Variants in NTM observed in about 807,000 individuals in gnomAD.
NTM encodes IgLON family member 2.
Under a neutral mutation model 42.1 loss-of-function variants are expected in NTM, and 13 were observed. The ratio of observed to expected loss-of-function variants is 0.31; its 90% CI spans 0.20 to 0.49. NTM has a LOEUF of 0.49. NTM is among the 20% of genes least tolerant of loss of function. The pLI, the probability that NTM is intolerant of heterozygous loss-of-function variation, is 0.99. For missense variants in NTM, 373 were observed against 452.8 expected (o/e 0.82, Z 1.60); for synonymous variants, 187 against 179.2 (o/e 1.04, Z -0.35).
chr11:131,489,657 T>TG, intron 1 of NTM, among the ~76,000 whole-genome samples: 1 of 152,336 alleles, frequency 6.6e-6, no homozygotes, highest in Non-Finnish European at 1.5e-5. Flanking sequence ...AAAACTATGC[T>TG]GGGGGCCCTT....
intron 1 of NTM, among the ~76,000 whole-genome samples, chr11:131,620,781 T>C (rs1314066701): frequency 2.0e-5 from 3 of 152,228 alleles, no homozygotes; most frequent in Non-Finnish European, 4.4e-5. Flanking sequence ...GGATTGTAGA[T>C]CACATATCTG....
intron 2 of NTM, among the ~76,000 whole-genome samples, chr11:131,932,440 G>T (rs1474279251): frequency 6.6e-6 from 1 of 152,144 alleles, no homozygotes; most frequent in Non-Finnish European, 1.5e-5. Context: ...TGCAATATAT[G>T]CTTTTTTCAA....
At chr11:131,472,121 T>C (rs896350192) in intron 1 of NTM, among the ~76,000 whole-genome samples, 4 of 152,180 alleles carry the variant, frequency 2.6e-5, no homozygotes, top group Non-Finnish European at 5.9e-5. Flanking sequence ...TCAGAGGCTG[T>C]AATTGAGTCT....
intron 2 of NTM, among the ~76,000 whole-genome samples, chr11:131,914,749 A>G (rs1220127687): frequency 6.6e-6 from 1 of 152,214 alleles, no homozygotes; most frequent in Non-Finnish European, 1.5e-5. Flanking sequence ...TTCTGTAGGC[A>G]TATTTCTTAA....
At chr11:132,123,320 C>G (rs574890805) in intron 2 of NTM, among the ~76,000 whole-genome samples, 3 of 152,302 alleles carry the variant, frequency 2.0e-5, no homozygotes, top group African/African-American at 7.2e-5. Flanking sequence ...AAGAGAGGCT[C>G]TCTCGTAGGT....
At chr11:131,414,456 G>A (rs370187473) in intron 1 of NTM, among the ~76,000 whole-genome samples, 11 of 152,198 alleles carry the variant, frequency 7.2e-5, no homozygotes, top group East Asian at 5.8e-4. Flanking sequence ...CCCATGATGA[G>A]TGCTGCTGTG....
At chr11:131,813,093 T>A (rs937402146) in intron 1 of NTM, among the ~76,000 whole-genome samples, 1 of 152,220 alleles carries the variant, frequency 6.6e-6, no homozygotes, top group Non-Finnish European at 1.5e-5. Flanking sequence ...GAAGTTATGT[T>A]GACAATCACA....
chr11:132,249,612 A>G (rs927962460), intron 4 of NTM, among the ~76,000 whole-genome samples: 7 of 152,198 alleles, frequency 4.6e-5, no homozygotes, highest in Non-Finnish European at 1.0e-4. Context: ...TCTCCTTAGA[A>G]TCCTCCTTTC....
At chr11:131,931,703 GAGA>G (rs2058646368) in intron 2 of NTM, among the ~76,000 whole-genome samples, 1 of 152,146 alleles carries the variant, frequency 6.6e-6, no homozygotes, top group Non-Finnish European at 1.5e-5. Flanking sequence ...GGAGGTGACT[GAGA>G]AGGAGCCACT....
At chr11:132,237,723 C>G (rs1193028752) in intron 4 of NTM, among the ~76,000 whole-genome samples, 1 of 152,152 alleles carries the variant, frequency 6.6e-6, no homozygotes, top group Non-Finnish European at 1.5e-5. Context: ...AGAAGCAGGG[C>G]AAGTAAAAGC....
intron 2 of NTM, among the ~76,000 whole-genome samples, chr11:132,119,842 GT>G (rs1420973105): frequency 1.3e-5 from 2 of 152,262 alleles, no homozygotes; most frequent in East Asian, 3.9e-4. Flanking sequence ...CAGCAGAGCA[GT>G]GCCACTGGTC....
chr11:131,370,814 C>T lies in NTM; in HGVS notation c.8C>T (p.Thr3Ile). The change falls in exon 1 of 9, where the codon ACC becomes ATC. Residue 3 changes from threonine (T) to isoleucine (I), a missense_variant. This residue lies in a region of NTM where 29 missense variants were observed against 30.4 expected (regional missense o/e 0.95). Coordinates refer to ENST00000683400, the MANE Select transcript of NTM (RefSeq NM_001352005.2). MK[T>I]IQPKMHNSIS... is the part of the protein sequence containing the mutation. ...AGAAGAAGAAAAAAAATCATGAAAA[C>T]CATCCAGCCAAAAATGCACAATTCT... 1.2e-6 allele frequency: 2 copies of T among 1,613,086 alleles called. No individual in the cohort carries two copies. The highest frequency in any genetic ancestry group is 1.7e-6 in the Non-Finnish European group (2 of 1,179,658).
At chr11:131,966,039 G>A (rs917991980) in intron 2 of NTM, among the ~76,000 whole-genome samples, 1 of 152,038 alleles carries the variant, frequency 6.6e-6, no homozygotes, top group African/African-American at 2.4e-5. Context: ...AAAACAAATT[G>A]CATTTTTCTG....
At chr11:132,278,464 T>C (rs1454425518) in intron 4 of NTM, among the ~76,000 whole-genome samples, 1 of 152,194 alleles carries the variant, frequency 6.6e-6, no homozygotes, top group African/African-American at 2.4e-5. Context: ...CCAAGTAGTC[T>C]TTGTGCATAG....
chr11:132,045,771 G>A (rs1373155401), intron 2 of NTM, among the ~76,000 whole-genome samples: 1 of 152,108 alleles, frequency 6.6e-6, no homozygotes, highest in Non-Finnish European at 1.5e-5. Flanking sequence ...ACAGCACGTG[G>A]GACATGGCAG....
Position 132,324,955 on chromosome 11 carries a change from C to A in NTM, c.935-5198C>A, listed in dbSNP as rs894538661. Reference sequence around the variant, plus strand: ...TATTTAATAAATGGTGCTGGGAAAACTGGCTAGCCATAAGTAGAAAGCTGA... The same window carrying A: ...TATTTAATAAATGGTGCTGGGAAAAATGGCTAGCCATAAGTAGAAAGCTGA... On this transcript the variant is annotated intron_variant, in intron 7 of 8. Transcript: ENST00000683400. Among the ~76,000 whole-genome samples, 987 of 151,666 alleles carry A rather than the reference C, an allele frequency of 6.5e-3. 11 individuals carry two copies. Among genetic ancestry groups the A allele is most frequent in the African/African-American group, 0.022 (908 of 41,448 alleles).
At chr11:132,033,606 G>T (rs1565991221) in intron 2 of NTM, among the ~76,000 whole-genome samples, 1 of 152,170 alleles carries the variant, frequency 6.6e-6, no homozygotes, top group Non-Finnish European at 1.5e-5. Flanking sequence ...ATTGCTCGTT[G>T]CTCCCCCTAA....
At chr11:131,438,426 C>T (rs185763712) in intron 1 of NTM, among the ~76,000 whole-genome samples, 29 of 152,310 alleles carry the variant, frequency 1.9e-4, no homozygotes, top group East Asian at 5.8e-4. Context: ...ACCAGTCAGA[C>T]GTAGATTTGG....
chr11:131,839,759 G>T (rs1039263367), intron 1 of NTM, among the ~76,000 whole-genome samples: 6 of 152,240 alleles, frequency 3.9e-5, no homozygotes, highest in African/African-American at 1.4e-4. Context: ...AGCAAATGCA[G>T]TTGTTGGGAA....
Sources: gnomAD v4.1 joint callset for allele counts (sites outside exome capture counted in the v4.1 genomes callset) on GRCh38, gnomAD v4.1.1 for gene constraint, gnomAD v4.1.1 regional missense constraint, MANE v1.5 for transcripts, NCBI Gene and HGNC (gene_info 2026-07-23, HGNC 2026-07-21) for gene names.